GDPD4: variants seen among roughly 807,000 people sequenced by gnomAD.
The protein encoded by GDPD4 is glycerophosphodiester phosphodiesterase domain containing 4.
GDPD4 carries 60 observed loss-of-function variants against 67.8 expected under a neutral mutation model. The observed-to-expected ratio is 0.88, with a 90% CI of 0.72 to 1.10. GDPD4 has a LOEUF of 1.10. Ranked by LOEUF, GDPD4 falls within the 50% of genes least tolerant of loss-of-function variation. GDPD4 has a pLI of 0.00. For synonymous variants in GDPD4, 212 were observed against 210.9 expected (o/e 1.00, Z -0.04); for missense variants, 623 against 613.9 (o/e 1.01, Z -0.16).
chr11:77,286,428 G>A (rs979041066), intron 2 of GDPD4, among the ~76,000 whole-genome samples: 2 of 152,156 alleles, frequency 1.3e-5, no homozygotes. Flanking sequence ...CATAGAGGCC[G>A]AATATCTGGG....
chr11:77,273,870 A>G (rs1379381032), intron 5 of GDPD4, among the ~76,000 whole-genome samples: 1 of 152,230 alleles, frequency 6.6e-6, no homozygotes, highest in Non-Finnish European at 1.5e-5. Context: ...GAGGTCTCAG[A>G]AGACGCTGGT....
At chr11:77,218,742 ATAT>A (rs2135814572) in intron 16 of GDPD4, among the ~76,000 whole-genome samples, 1 of 152,246 alleles carries the variant, frequency 6.6e-6, no homozygotes, top group East Asian at 1.9e-4. Flanking sequence ...TGGCTGCATA[ATAT>A]TCCATGGTGT....
At chr11:77,259,464 C>T (rs561308988) in intron 10 of GDPD4, among the ~76,000 whole-genome samples, 22 of 151,930 alleles carry the variant, frequency 1.4e-4, no homozygotes, top group Middle Eastern at 3.4e-3. Context: ...AGAACTTACT[C>T]TTCTGCTATA....
At chr11:77,298,508 T>G (rs1938054030) in intron 1 of GDPD4, among the ~76,000 whole-genome samples, 1 of 152,148 alleles carries the variant, frequency 6.6e-6, no homozygotes, top group South Asian at 2.1e-4. Flanking sequence ...AAAAAATTTT[T>G]TTTAAAAACA....
chr11:77,299,578 T>C (rs895950902), intron 1 of GDPD4, among the ~76,000 whole-genome samples: 10 of 152,240 alleles, frequency 6.6e-5, no homozygotes, highest in African/African-American at 2.2e-4. Context: ...CTATCTGTTC[T>C]GCTGATCTGT....
At chr11:77,219,528 T>C (rs995557903) in intron 16 of GDPD4, among the ~76,000 whole-genome samples, 1 of 152,232 alleles carries the variant, frequency 6.6e-6, no homozygotes, top group African/African-American at 2.4e-5. Context: ...ATTTAAGCCT[T>C]TACTCCATCT....
chr11:77,229,084 T>C, intron 15 of GDPD4, 66 bp downstream of exon 15: 1 of 738,876 alleles, frequency 1.4e-6, no homozygotes, highest in East Asian at 2.8e-5. Context: ...CTCTTATTTT[T>C]CTCAATTTCC....
chr11:77,265,966 C>T, intron 10 of GDPD4, among the ~76,000 whole-genome samples: 1 of 152,156 alleles, frequency 6.6e-6, no homozygotes, highest in East Asian at 1.9e-4. Context: ...GAGGTCCATC[C>T]AAATAGCAGC....
At chr11:77,217,352 C>G in intron 16 of GDPD4, 38 bp from the exon 17 acceptor site, 9 of 1,478,030 alleles carry the variant, frequency 6.1e-6, no homozygotes, top group Non-Finnish European at 8.5e-6. Flanking sequence ...TCAAATGTCA[C>G]TTCTCCACTC....
rs112311364 is a variant in GDPD4, at chr11:77,250,133, C to A, written c.865-4631G>T. ...TTTTAGATTCAGTGAGTACATGTGC[C>A]GGTTTGTTACCTGGGTATATTGCAT... On this transcript the variant is annotated intron_variant, in intron 11 of 16. Transcript: ENST00000315938. 3.4e-3 allele frequency among the ~76,000 whole-genome samples: 519 copies of A among 151,858 alleles called. 1 individual carries two copies. Among genetic ancestry groups the A allele is most frequent in the African/African-American group, 0.012 (484 of 41,410 alleles).
chr11:77,279,336 C>T lies in GDPD4; in HGVS notation c.117G>A (p.Arg39=). Residue 39 remains arginine, a synonymous_variant, in exon 4 of 17, where the codon AGG becomes AGA. Coordinates refer to ENST00000315938, the MANE Select transcript of GDPD4 (RefSeq NM_182833.3). ...GCAATGAAGAGTAGGCAGTCAGGAT[C>T]CTAGCTAAACTCAGAATAAAAATAG... The part of the protein sequence containing the change: ...FWSIFILSLA[R]ILTAYSSLLL... The T allele has an allele frequency of 6.2e-7, 1 of 1,612,006 alleles. No individual in the cohort carries two copies. The highest frequency in any genetic ancestry group is 8.5e-7 in the Non-Finnish European group (1 of 1,178,336).
Position 77,268,557 on chromosome 11 carries a change from A to G in GDPD4, c.625-18T>C. 6.4e-7 allele frequency: 1 copy of G among 1,568,978 alleles called. No homozygotes were observed. Among genetic ancestry groups the G allele is most frequent in the Non-Finnish European group, 8.8e-7 (1 of 1,139,884 alleles). ...GGCCCCAACTGTAGAAGAAAAGGAC[A>G]TCAGGCCCTAAGCCTCAGAGTCTCT... On this transcript the variant is annotated intron_variant, in intron 9 of 16. Transcript: ENST00000315938.
At chr11:77,278,943 T>G (rs996545644) in intron 4 of GDPD4, among the ~76,000 whole-genome samples, 1 of 152,190 alleles carries the variant, frequency 6.6e-6, no homozygotes, top group Non-Finnish European at 1.5e-5. Flanking sequence ...TTTCAGAAGA[T>G]GGGACATGAG....
rs777208116 is a variant in GDPD4 at position 77,271,403 on chromosome 11, C to CT, written c.208-11_208-10insA. On this transcript the variant is annotated splice_polypyrimidine_tract_variant and intron_variant, in intron 5 of 16. Coordinates refer to ENST00000315938, the MANE Select transcript of GDPD4 (RefSeq NM_182833.3). ...CTAGCAGAATCAGGATCTAGGGAAA[C>CT]AGAAAAAAAATCTCCTGACTTCAAG... The CT allele has an allele frequency of 1.5e-5, 23 of 1,570,172 alleles. No individual in the cohort carries two copies. The South Asian group carries it at 2.5e-4, about 17-fold the overall frequency.
intron 10 of GDPD4, among the ~76,000 whole-genome samples, chr11:77,260,739 G>A (rs956464115): frequency 3.3e-5 from 5 of 151,974 alleles, no homozygotes; most frequent in African/African-American, 9.7e-5. Flanking sequence ...CGGAAATTTA[G>A]AGATAAGATA....
At position 77,245,159 on chromosome 11, in the gene GDPD4, G is replaced by C. The variant is rs2135844719; in HGVS notation, c.1086+122C>G. 6 of 699,044 alleles carry C rather than the reference G, an allele frequency of 8.6e-6. No individual in the cohort carries two copies. The South Asian group carries it at 1.1e-4, about 13-fold the overall frequency. 43.3% of individuals were successfully genotyped at this position (699,044 alleles called of 1,614,324 possible). ...ATAAGTAACAATCTTCATTTCCATA[G>C]GAAGTAAAATTACTTAAGGATCCCA... is the stretch of plus-strand genomic sequence containing the variant. On this transcript the variant is annotated intron_variant, in intron 12 of 16. Coordinates refer to ENST00000315938, the MANE Select transcript of GDPD4 (RefSeq NM_182833.3).
chr11:77,218,361 G>A (rs796724496), intron 16 of GDPD4, among the ~76,000 whole-genome samples: 13 of 152,210 alleles, frequency 8.5e-5, no homozygotes, highest in African/African-American at 3.1e-4. Context: ...CAGAGGCTGT[G>A]AATCTTTGGG....
Position 77,225,902 on chromosome 11 carries a change from G to T in GDPD4, c.1525+1962C>A, listed in dbSNP as rs534180536. On this transcript the variant is annotated intron_variant, in intron 16 of 16. Coordinates refer to ENST00000315938, the MANE Select transcript of GDPD4 (RefSeq NM_182833.3). ...TCCTGACTTCTGTCTAGTCTTCCTT[G>T]TTCCTTCCCTGATTCTAAACTTGGT... Among the ~76,000 whole-genome samples the T allele has an allele frequency of 1.7e-3, 264 of 152,124 alleles. 1 individual carries two copies. The highest frequency in any genetic ancestry group is 3.5e-3 in the Admixed American group (54 of 15,286).
rs1395412466 is a variant in GDPD4, at chr11:77,271,340, G to T, written c.261C>A (p.Cys87Ter). The part of the protein sequence containing the change: ...LLCVILMFII[C>*]KFWKERWLVA... ...CCAGCCACCTTTCTTTCCAGAATTT[G>T]CATATAATGAACATTAAAATGACAC... The change falls in exon 6 of 17, where the codon TGC becomes TGA. Residue 87 changes from cysteine to a stop codon, truncating the protein, a stop_gained. Transcript: ENST00000315938. LOFTEE classifies it high-confidence loss of function. 3 of 1,613,894 alleles carry T rather than the reference G, an allele frequency of 1.9e-6. No homozygotes were observed. The Middle Eastern group carries it at 5.0e-4, about 266-fold the overall frequency.
Sources: allele counts gnomAD v4.1 joint callset (sites outside exome capture counted in the v4.1 genomes callset), GRCh38; gene constraint gnomAD v4.1.1; transcripts MANE v1.5; gene names NCBI Gene and HGNC (gene_info 2026-07-23, HGNC 2026-07-21).